CDKL2: variants seen among roughly 807,000 people sequenced by gnomAD.
CDKL2 encodes cyclin-dependent kinase-like 2.
A neutral mutation model predicts 63.9 loss-of-function variants in CDKL2; 64 were observed. The observed-to-expected ratio is 1.00, with a 90% CI of 0.82 to 1.23. The LOEUF (loss-of-function observed/expected upper bound fraction) is 1.23. Among genes scored for constraint, CDKL2 ranks in the 50% most tolerant of loss-of-function variants. CDKL2 has a pLI of 0.00. For missense variants in CDKL2, 656 were observed against 668.0 expected, an observed-to-expected ratio of 0.98 and a Z score of 0.20; for synonymous variants, 211 against 229.2, an observed-to-expected ratio of 0.92 and a Z score of 0.72.
rs72869636 is a variant in CDKL2, at chr4:75,581,446, C to T, written c.*23+364G>A. 8.8e-3 allele frequency among the ~76,000 whole-genome samples: 1,340 copies of T among 152,260 alleles called. 20 individuals carry two copies. The highest frequency in any genetic ancestry group is 0.031 in the African/African-American group (1,282 of 41,536). On this transcript the variant is annotated intron_variant, in intron 13 of 13. Coordinates refer to ENST00000307465, the MANE Select transcript of CDKL2 (RefSeq NM_001330724.2). Reference sequence around the variant, plus strand: ...TCACCTAAGGATGCATCTTTCAGAACATTAACCGAGGCATCATTATAATCA... The same window carrying T: ...TCACCTAAGGATGCATCTTTCAGAATATTAACCGAGGCATCATTATAATCA...
In CDKL2 at chr4:75,603,842, G is replaced by C; in HGVS notation, c.770C>G (p.Ser257Cys). ...EPLERRYPKL[S>C]EVVIDLAKKC... Reference sequence around the variant, plus strand: ...CTTTGCTAAATCTATCACCACTTCAGAGAGCTTAGGATAGCGTCTTTCAAG... The same window carrying C: ...CTTTGCTAAATCTATCACCACTTCACAGAGCTTAGGATAGCGTCTTTCAAG... The change falls in exon 6 of 14, where the codon TCT becomes TGT. Residue 257 changes from serine to cysteine, a missense_variant. Ser to Cys is a moderately radical substitution (Grantham distance 112). Transcript: ENST00000307465. 6.2e-7 allele frequency: 1 copy of C among 1,608,484 alleles called. No homozygotes were observed. Among genetic ancestry groups the C allele is most frequent in the South Asian group, 1.1e-5 (1 of 90,104 alleles).
chr4:75,618,054 T>G (rs1249644233), intron 2 of CDKL2, among the ~76,000 whole-genome samples: 1 of 137,778 alleles, frequency 7.3e-6, no homozygotes, highest in Non-Finnish European at 1.5e-5. Flanking sequence ...TGAGCCGAGA[T>G]CGTGCCACTG....
Position 75,603,841 on chromosome 4 carries a change from A to C in CDKL2, c.771T>G (p.Ser257=). ...CCTTTGCTAAATCTATCACCACTTCAGAGAGCTTAGGATAGCGTCTTTCAA... is the reference window on the plus strand; with the variant it reads ...CCTTTGCTAAATCTATCACCACTTCCGAGAGCTTAGGATAGCGTCTTTCAA... The part of the protein sequence containing the change: ...EPLERRYPKL[S]EVVIDLAKKC... Residue 257 remains serine, a synonymous_variant, in exon 6 of 14, where the codon TCT becomes TCG. Coordinates refer to ENST00000307465, the MANE Select transcript of CDKL2 (RefSeq NM_001330724.2). 6.2e-7 allele frequency: 1 copy of C among 1,609,908 alleles called. No homozygotes were observed. Among genetic ancestry groups the C allele is most frequent in the East Asian group, 2.2e-5 (1 of 44,826 alleles).
intron 9 of CDKL2, 124 bp from the exon 10 acceptor site, chr4:75,596,464 A>C (rs904777679): frequency 1.5e-6 from 1 of 650,152 alleles, no homozygotes; most frequent in African/African-American, 1.8e-5. Flanking sequence ...TCTATTCTCA[A>C]ATATACAATG....
chr4:75,624,948 C>A (rs1730336056), intron 2 of CDKL2, among the ~76,000 whole-genome samples: 2 of 152,150 alleles, frequency 1.3e-5, no homozygotes, highest in African/African-American at 4.8e-5. Context: ...TATAATAATT[C>A]TAAATATAAC....
At chr4:75,602,531 A>G (rs1429542479) in intron 6 of CDKL2, among the ~76,000 whole-genome samples, 1 of 148,966 alleles carries the variant, frequency 6.7e-6, no homozygotes, top group Non-Finnish European at 1.5e-5. Context: ...TTATTTATTT[A>G]TTTATTTAAA....
chr4:75,582,469 T>C (rs1037791433), intron 12 of CDKL2, among the ~76,000 whole-genome samples: 2 of 152,084 alleles, frequency 1.3e-5, no homozygotes, highest in Non-Finnish European at 2.9e-5. Flanking sequence ...GATAGATGAA[T>C]AGAAGTGGCC....
At chr4:75,613,040 GCGTGAGCCTGGGAGGCGGAGCTTGC>G (rs1476284482) in intron 3 of CDKL2, among the ~76,000 whole-genome samples, 1 of 152,044 alleles carries the variant, frequency 6.6e-6, no homozygotes, top group East Asian at 1.9e-4. Flanking sequence ...CCGGAGAATG[GCGTGAGCCTGGGAGGCGGAGCTTGC>G]CGTGAGCCGA....
chr4:75,583,205 G>A (rs760145743), intron 12 of CDKL2, among the ~76,000 whole-genome samples: 23 of 152,148 alleles, frequency 1.5e-4, no homozygotes, highest in African/African-American at 4.8e-4. Context: ...AACATATAAC[G>A]TATTGGGGTT....
intron 2 of CDKL2, among the ~76,000 whole-genome samples, chr4:75,618,185 C>T (rs1289587338): frequency 6.9e-6 from 1 of 144,952 alleles, no homozygotes; most frequent in Non-Finnish European, 1.5e-5. Context: ...AGATGGTTAC[C>T]TTCTTTGGTA....
At chr4:75,614,486 AAT>A in intron 2 of CDKL2, 37 bp from the exon 3 acceptor site, 1 of 1,324,280 alleles carries the variant, frequency 7.6e-7, no homozygotes, top group Non-Finnish European at 1.0e-6. Context: ...GTTATTTAAA[AAT>A]GCAAAATAGT....
At chr4:75,600,767 A>T (rs928949502) in intron 6 of CDKL2, among the ~76,000 whole-genome samples, 1 of 152,188 alleles carries the variant, frequency 6.6e-6, no homozygotes, top group African/African-American at 2.4e-5. Context: ...CCGCCAATGA[A>T]TTTTACACAT....
chr4:75,621,086 C>G (rs960234529), intron 2 of CDKL2, among the ~76,000 whole-genome samples: 1 of 151,830 alleles, frequency 6.6e-6, no homozygotes, highest in Non-Finnish European at 1.5e-5. Context: ...TAGGCGCGCA[C>G]CAACATGCCC....
intron 8 of CDKL2, 122 bp from the exon 9 acceptor site, chr4:75,597,358 T>G (rs147430039): frequency 1.5e-6 from 1 of 649,290 alleles, no homozygotes; most frequent in Non-Finnish European, 2.6e-6. Context: ...TTGAAACTGT[T>G]TTCTTTATTC....
At chr4:75,604,298 A>C (rs1233544296) in intron 5 of CDKL2, among the ~76,000 whole-genome samples, 1 of 152,214 alleles carries the variant, frequency 6.6e-6, no homozygotes, top group Non-Finnish European at 1.5e-5. Flanking sequence ...CTCCCCTTTA[A>C]GAATTTAATA....
At chr4:75,583,958 C>A (rs545121080) in intron 12 of CDKL2, among the ~76,000 whole-genome samples, 131 of 152,238 alleles carry the variant, frequency 8.6e-4, no homozygotes, top group African/African-American at 2.9e-3. Flanking sequence ...TCAATTATCA[C>A]ATTAAATGTT....
At chr4:75,589,681 CTG>C (rs1728625147) in intron 12 of CDKL2, among the ~76,000 whole-genome samples, 1 of 152,110 alleles carries the variant, frequency 6.6e-6, no homozygotes, top group Admixed American at 6.5e-5. Context: ...AAATGTGAAA[CTG>C]TATATTCACA....
At chr4:75,597,504 T>A (rs1728997399) in intron 8 of CDKL2, among the ~76,000 whole-genome samples, 1 of 151,732 alleles carries the variant, frequency 6.6e-6, no homozygotes, top group Non-Finnish European at 1.5e-5. Context: ...GTGGAAAAAC[T>A]CATGGAAGAG....
At position 75,588,466 on chromosome 4, in the gene CDKL2, T is replaced by C. The variant is rs180932691; in HGVS notation, c.1647+3353A>G. 1.7e-4 allele frequency among the ~76,000 whole-genome samples: 26 copies of C among 152,248 alleles called. No individual in the cohort carries two copies. The Middle Eastern group carries it at 0.014, about 80-fold the overall frequency. Reference sequence around the variant, plus strand: ...TAGCAGTAATAGGAGTTTAGATATATATAAAATAATTAATCAAATAAGTAC... The same window carrying C: ...TAGCAGTAATAGGAGTTTAGATATACATAAAATAATTAATCAAATAAGTAC... On this transcript the variant is annotated intron_variant, in intron 12 of 13. Coordinates refer to ENST00000307465, the MANE Select transcript of CDKL2 (RefSeq NM_001330724.2).
Sources: gnomAD v4.1 joint callset for allele counts (sites outside exome capture counted in the v4.1 genomes callset) on GRCh38, gnomAD v4.1.1 for gene constraint, MANE v1.5 for transcripts, NCBI Gene and HGNC (gene_info 2026-07-23, HGNC 2026-07-21) for gene names.